The following ARHGEF3 variants were observed in gnomAD, a reference collection of about 807,000 sequenced individuals.
The protein encoded by ARHGEF3 is Rho guanine nucleotide exchange factor 3.
In ARHGEF3, 28 loss-of-function variants were observed where a neutral mutation model predicts 63.2. That is an observed-to-expected ratio of 0.44 (90% CI 0.33 to 0.61). The LOEUF (loss-of-function observed/expected upper bound fraction) is 0.61. Ranked by LOEUF, ARHGEF3 falls within the 20% of genes least tolerant of loss-of-function variation. The pLI is 0.03. For missense variants in ARHGEF3, 533 were observed against 659.3 expected (o/e 0.81, Z 2.10); for synonymous variants, 266 against 254.2 (o/e 1.05, Z -0.44).
intron 3 of ARHGEF3, among the ~76,000 whole-genome samples, chr3:56,921,072 A>G (rs1056613176): frequency 1.3e-5 from 2 of 150,636 alleles, no homozygotes; most frequent in African/African-American, 4.9e-5. Flanking sequence ...AAAAAAAAAA[A>G]AAAAACTCAT....
intron 1 of ARHGEF3, among the ~76,000 whole-genome samples, chr3:57,045,968 C>T (rs1704434926): frequency 6.6e-6 from 1 of 152,206 alleles, no homozygotes; most frequent in African/African-American, 2.4e-5. Context: ...TCATTCATTA[C>T]TTGCAAGGAC....
intron 1 of ARHGEF3, among the ~76,000 whole-genome samples, chr3:57,071,451 G>C (rs1228893320): frequency 6.6e-6 from 1 of 152,130 alleles, no homozygotes; most frequent in Non-Finnish European, 1.5e-5. Context: ...CATGAGGTCA[G>C]GAGTTCCAGA....
chr3:57,021,388 T>C (rs539168030), intron 2 of ARHGEF3, among the ~76,000 whole-genome samples: 41 of 152,308 alleles, frequency 2.7e-4, no homozygotes, highest in African/African-American at 9.1e-4. Flanking sequence ...TCACATCTCC[T>C]AGGGAAACAT....
At chr3:56,927,278 C>T (rs1379034036) in intron 3 of ARHGEF3, among the ~76,000 whole-genome samples, 3 of 152,156 alleles carry the variant, frequency 2.0e-5, no homozygotes, top group Non-Finnish European at 4.4e-5. Flanking sequence ...GTAACAATTG[C>T]AGTTTCCTAG....
intron 9 of ARHGEF3, among the ~76,000 whole-genome samples, chr3:56,730,422 C>T (rs2033065654): frequency 7.0e-6 from 1 of 143,236 alleles, no homozygotes; most frequent in African/African-American, 2.6e-5. Flanking sequence ...CAGAGTCTTG[C>T]TCTGGAGTGC....
intron 2 of ARHGEF3, among the ~76,000 whole-genome samples, chr3:56,976,811 G>C (rs1701142270): frequency 1.3e-5 from 2 of 152,112 alleles, no homozygotes; most frequent in South Asian, 4.1e-4. Flanking sequence ...ACTGCGTCAG[G>C]CTTGTTAGAG....
intron 2 of ARHGEF3, among the ~76,000 whole-genome samples, chr3:56,961,849 C>T (rs11708319): frequency 0.12 from 17,562 of 152,150 alleles, 1,263 homozygotes; most frequent in East Asian, 0.25. Context: ...TCAAGACCAG[C>T]CTGGGCAACA....
intron 3 of ARHGEF3, among the ~76,000 whole-genome samples, chr3:56,927,222 A>C (rs1327442296): frequency 1.3e-5 from 2 of 152,250 alleles, no homozygotes; most frequent in Admixed American, 6.5e-5. Flanking sequence ...TGAGAATCAA[A>C]TAAGTCAAAT....
Position 56,968,230 on chromosome 3 carries a change from ATATAAATATATATAT to A in ARHGEF3, c.63-9356_63-9342del, listed in dbSNP as rs1700723497. ...AAAATATATATTATATATAATATAT[ATATAAATATATATAT>A]TAATATATAATATTTAAATATATAA... On this transcript the variant is annotated intron_variant, in intron 2 of 12. Coordinates refer to the ARHGEF3 transcript ENST00000338458. Among the ~76,000 whole-genome samples the A allele has an allele frequency of 1.3e-4, 6 of 45,188 alleles. No homozygotes were observed. In the Admixed American group the frequency reaches 1.4e-3, roughly 10 times the overall value. 29.6% of individuals were successfully genotyped at this position (45,188 alleles called of 152,430 possible).
In ARHGEF3 at chr3:56,994,064, C is replaced by CAAAAAAAAAAAAAAAAAAAAAAAA. The variant is rs60299557; in HGVS notation, c.63-35176_63-35175insTTTTTTTTTTTTTTTTTTTTTTTT. ...GGGCGACAAGAGTGAAACTTCGTCTCAAAAAAAAAAAAAAAAAAAAAGCAC... is the reference window on the plus strand; with the variant it reads ...GGGCGACAAGAGTGAAACTTCGTCTCAAAAAAAAAAAAAAAAAAAAAAAAAAAAAAAAAAAAAAAAAAAAAGCAC... On this transcript the variant is annotated intron_variant, in intron 2 of 12. Coordinates refer to the ARHGEF3 transcript ENST00000338458. Among the ~76,000 whole-genome samples, 160 of 59,722 alleles carry CAAAAAAAAAAAAAAAAAAAAAAAA rather than the reference C, an allele frequency of 2.7e-3. 16 individuals carry two copies. The highest frequency in any genetic ancestry group is 3.7e-3 in the Non-Finnish European group (110 of 29,892). 39.2% of individuals were successfully genotyped at this position (59,722 alleles called of 152,430 possible).
At chr3:56,929,273 A>G (rs1159881272) in intron 3 of ARHGEF3, among the ~76,000 whole-genome samples, 2 of 152,206 alleles carry the variant, frequency 1.3e-5, no homozygotes, top group Non-Finnish European at 2.9e-5. Flanking sequence ...GGCTAGAGTC[A>G]TGGCTCCTGG....
At chr3:57,034,299 T>TAAA (rs34080875) in intron 2 of ARHGEF3, among the ~76,000 whole-genome samples, 28 of 139,244 alleles carry the variant, frequency 2.0e-4, no homozygotes, top group South Asian at 9.1e-4. Context: ...ACAAATGGCT[T>TAAA]AAAAAAAAAA....
At chr3:56,938,381 C>G (rs115508561) in intron 3 of ARHGEF3, among the ~76,000 whole-genome samples, 1 of 152,054 alleles carries the variant, frequency 6.6e-6, no homozygotes, top group Non-Finnish European at 1.5e-5. Flanking sequence ...ATTTCAATTA[C>G]GGAGGAAGAA....
intron 3 of ARHGEF3, among the ~76,000 whole-genome samples, chr3:56,899,723 C>T (rs562083773): frequency 6.6e-6 from 1 of 152,286 alleles, no homozygotes; most frequent in African/African-American, 2.4e-5. Context: ...AATTGTCACA[C>T]AAAGTAACTG....
intron 3 of ARHGEF3, among the ~76,000 whole-genome samples, chr3:56,955,236 C>T (rs1699995083): frequency 6.7e-6 from 1 of 149,480 alleles, no homozygotes; most frequent in South Asian, 2.1e-4. Context: ...CTCTTTGTTG[C>T]CCAAGCTAGA....
intron 4 of ARHGEF3, among the ~76,000 whole-genome samples, chr3:56,865,074 A>G (rs1455165331): frequency 6.6e-6 from 1 of 152,180 alleles, no homozygotes; most frequent in Non-Finnish European, 1.5e-5. Context: ...TTCCAGACAC[A>G]TTCTTCATGA....
chr3:57,014,567 T>A (rs545501216), intron 2 of ARHGEF3, among the ~76,000 whole-genome samples: 182 of 152,368 alleles, frequency 1.2e-3, no homozygotes, highest in African/African-American at 4.2e-3. Context: ...ATCAGCAGAA[T>A]TAGAAAACTA....
rs1578642749 is a variant in ARHGEF3, at chr3:56,837,698, T to C, written c.192+44594A>G. Among the ~76,000 whole-genome samples the C allele has an allele frequency of 2.0e-5, 3 of 152,136 alleles. No individual in the cohort carries two copies. The South Asian group carries it at 6.2e-4, about 32-fold the overall frequency. On this transcript the variant is annotated intron_variant, in intron 4 of 12. Transcript: ENST00000338458. Reference sequence around the variant, plus strand: ...TGAGGTCACAATAAACTGCGGCAGGTCCTGACAAACGGTTTCCTCCCAGGA... The same window carrying C: ...TGAGGTCACAATAAACTGCGGCAGGCCCTGACAAACGGTTTCCTCCCAGGA...
At chr3:56,882,242 A>T (rs2040790629) in intron 4 of ARHGEF3, 1 of 1,500,216 alleles carries the variant, frequency 6.7e-7, no homozygotes, top group South Asian at 1.2e-5. Flanking sequence ...TAACCTTCGG[A>T]GAAGAGAGAT....
Sources: allele counts gnomAD v4.1 joint callset (sites outside exome capture counted in the v4.1 genomes callset), GRCh38; gene constraint gnomAD v4.1.1; transcripts MANE v1.5; gene names NCBI Gene and HGNC (gene_info 2026-07-23, HGNC 2026-07-21).